Variants in DLGAP1 observed in about 807,000 individuals in gnomAD.
DLGAP1 encodes DLG associated protein 1.
A neutral mutation model predicts 90.8 loss-of-function variants in DLGAP1; 11 were observed. That is an observed-to-expected ratio of 0.12 (90% CI 0.08 to 0.20). The LOEUF (loss-of-function observed/expected upper bound fraction) is 0.20. Ranked by LOEUF, DLGAP1 falls within the 10% of genes least tolerant of loss-of-function variation. DLGAP1 has a pLI of 1.00. For missense variants in DLGAP1, 1,050 were observed against 1,333.8 expected (o/e 0.79, Z 3.31); for synonymous variants, 558 against 540.7 (o/e 1.03, Z -0.44).
At chr18:4,420,039 G>C (rs1184969218) in intron 1 of DLGAP1, among the ~76,000 whole-genome samples, 1 of 152,000 alleles carries the variant, frequency 6.6e-6, no homozygotes, top group African/African-American at 2.4e-5. Context: ...AGAAAGCAAG[G>C]GTAGCTATGC....
In DLGAP1 at chr18:3,505,595, G is replaced by A. The variant is rs189677397; in HGVS notation, c.2572-2950C>T. On this transcript the variant is annotated intron_variant, in intron 11 of 12. Transcript: ENST00000315677. ...AGAGATTGCAATGAGCTGAGTTTGC[G>A]CCACTGCACTCCCAGCCTGGGCAAC... Among the ~76,000 whole-genome samples, 398 of 139,160 alleles carry A rather than the reference G, an allele frequency of 2.9e-3. 2 individuals are homozygous for A. Among genetic ancestry groups the A allele is most frequent in the African/African-American group, 0.01 (371 of 36,822 alleles). The allele number at this position is 139,160 out of a possible 152,430, so 91.3% of individuals were successfully genotyped here.
At chr18:3,826,732 T>C (rs1189302165) in intron 4 of DLGAP1, among the ~76,000 whole-genome samples, 2 of 152,068 alleles carry the variant, frequency 1.3e-5, no homozygotes, top group Non-Finnish European at 2.9e-5. Flanking sequence ...GGGAGTAGAA[T>C]GGAGGCTTTG....
At chr18:4,073,780 T>G (rs2075485148) in intron 2 of DLGAP1, among the ~76,000 whole-genome samples, 1 of 152,180 alleles carries the variant, frequency 6.6e-6, no homozygotes, top group Non-Finnish European at 1.5e-5. Flanking sequence ...ATCACCCTAT[T>G]TTGGAGATCC....
chr18:4,247,134 T>C (rs558237391), intron 1 of DLGAP1, among the ~76,000 whole-genome samples: 13 of 152,174 alleles, frequency 8.5e-5, no homozygotes, highest in African/African-American at 2.4e-4. Flanking sequence ...AAGAGGAAAA[T>C]GGCAGTAACA....
intron 1 of DLGAP1, among the ~76,000 whole-genome samples, chr18:4,256,576 T>C (rs116349270): frequency 0.01 from 1,537 of 152,314 alleles, 30 homozygotes; most frequent in African/African-American, 0.035. Context: ...TATATTAAAA[T>C]GTACTCAACT....
At chr18:3,914,577 T>C (rs1057353140) in intron 3 of DLGAP1, among the ~76,000 whole-genome samples, 8 of 152,302 alleles carry the variant, frequency 5.3e-5, no homozygotes, top group Non-Finnish European at 1.0e-4. Flanking sequence ...GGATATATCC[T>C]TTGGAAGTTG....
At chr18:4,295,080 C>G (rs945321612) in intron 1 of DLGAP1, 1 of 152,240 alleles carries the variant, frequency 6.6e-6, no homozygotes, top group Non-Finnish European at 1.5e-5. Context: ...CAAAAGGCAG[C>G]TTTTTGGGCA....
chr18:3,936,502 G>T (rs2072643797), intron 3 of DLGAP1, among the ~76,000 whole-genome samples: 1 of 152,264 alleles, frequency 6.6e-6, no homozygotes, highest in South Asian at 2.1e-4. Flanking sequence ...CAGAATAGGT[G>T]CTTCTTCCCC....
At chr18:3,535,472 C>A (rs919653870) in intron 9 of DLGAP1, among the ~76,000 whole-genome samples, 4 of 152,172 alleles carry the variant, frequency 2.6e-5, no homozygotes, top group African/African-American at 9.6e-5. Flanking sequence ...CTTTGGGAGG[C>A]TGAGGCGGGC....
At chr18:4,436,386 G>A (rs1009859643) in intron 1 of DLGAP1, among the ~76,000 whole-genome samples, 1 of 151,830 alleles carries the variant, frequency 6.6e-6, no homozygotes, top group African/African-American at 2.4e-5. Flanking sequence ...TCTGGGCCCC[G>A]ACCACCAAAG....
At chr18:3,758,302 T>C (rs1335631520) in intron 5 of DLGAP1, among the ~76,000 whole-genome samples, 5 of 152,146 alleles carry the variant, frequency 3.3e-5, no homozygotes, top group East Asian at 1.9e-4. Context: ...GGCTTTGTCA[T>C]TAACTATTTG....
At chr18:4,370,840 T>C (rs2081899330) in intron 1 of DLGAP1, among the ~76,000 whole-genome samples, 1 of 152,134 alleles carries the variant, frequency 6.6e-6, no homozygotes, top group South Asian at 2.1e-4. Flanking sequence ...GAAACACTCG[T>C]CACTTCCTCC....
chr18:3,962,583 G>A (rs1169795876), intron 3 of DLGAP1, among the ~76,000 whole-genome samples: 2 of 151,656 alleles, frequency 1.3e-5, no homozygotes, highest in Non-Finnish European at 2.9e-5. Flanking sequence ...TCCATTTTTT[G>A]TTCTTTTCTT....
intron 4 of DLGAP1, among the ~76,000 whole-genome samples, chr18:3,822,616 C>T (rs2067482800): frequency 1.3e-5 from 2 of 152,160 alleles, no homozygotes; most frequent in Admixed American, 1.3e-4. Context: ...TCCCATAAAT[C>T]CCCTTTCCTG....
At chr18:3,538,569 T>C (rs1235007251) in intron 9 of DLGAP1, among the ~76,000 whole-genome samples, 1 of 152,190 alleles carries the variant, frequency 6.6e-6, no homozygotes, top group Non-Finnish European at 1.5e-5. Flanking sequence ...ATGTTAACTG[T>C]CATCTGAAGC....
At chr18:4,044,983 C>G (rs1353852671) in intron 2 of DLGAP1, among the ~76,000 whole-genome samples, 1 of 151,922 alleles carries the variant, frequency 6.6e-6, no homozygotes, top group African/African-American at 2.4e-5. Context: ...AGGAAACAAC[C>G]CAGCAAACAC....
intron 2 of DLGAP1, among the ~76,000 whole-genome samples, chr18:4,083,782 C>T (rs1261120535): frequency 8.6e-5 from 13 of 152,024 alleles, no homozygotes; most frequent in Admixed American, 8.5e-4. Context: ...GGGCTCTGAC[C>T]CCATGGTAGC....
chr18:3,666,046 T>C (rs1176859758), intron 7 of DLGAP1, among the ~76,000 whole-genome samples: 10 of 151,982 alleles, frequency 6.6e-5, no homozygotes, highest in Admixed American at 1.3e-4. Flanking sequence ...CAGAGGCAGC[T>C]GGAAGCGCTG....
chr18:3,926,343 C>T (rs1213103946), intron 3 of DLGAP1, among the ~76,000 whole-genome samples: 1 of 151,726 alleles, frequency 6.6e-6, no homozygotes, highest in Non-Finnish European at 1.5e-5. Flanking sequence ...CAGATAGTGC[C>T]AAATGTCCCT....
Sources: gnomAD v4.1 joint callset for allele counts (sites outside exome capture counted in the v4.1 genomes callset) on GRCh38, gnomAD v4.1.1 for gene constraint, MANE v1.5 for transcripts, NCBI Gene and HGNC (gene_info 2026-07-23, HGNC 2026-07-21) for gene names.